NR3C1: variants seen among roughly 807,000 people sequenced by gnomAD.
The protein encoded by NR3C1 is nuclear receptor subfamily 3 group C member 1.
NR3C1 carries 14 observed loss-of-function variants against 74.0 expected under a neutral mutation model. The ratio of observed to expected loss-of-function variants is 0.19; its 90% CI spans 0.12 to 0.30. The LOEUF (loss-of-function observed/expected upper bound fraction) is 0.30. NR3C1 is among the 10% of genes least tolerant of loss of function. NR3C1 has a pLI of 1.00. For missense variants in NR3C1, 695 were observed against 909.8 expected, an observed-to-expected ratio of 0.76 and a Z score of 3.04; for synonymous variants, 308 against 332.5, an observed-to-expected ratio of 0.93 and a Z score of 0.80.
intron 2 of NR3C1, among the ~76,000 whole-genome samples, chr5:143,328,844 G>T (rs1181536094): frequency 6.6e-6 from 1 of 152,124 alleles, no homozygotes; most frequent in Non-Finnish European, 1.5e-5. Flanking sequence ...TTTCAGCCTG[G>T]ACTTCATTGT....
intron 2 of NR3C1, among the ~76,000 whole-genome samples, chr5:143,381,243 A>C (rs2151887639): frequency 6.6e-6 from 1 of 152,230 alleles, no homozygotes; most frequent in Non-Finnish European, 1.5e-5. Flanking sequence ...AAGAAGTGAA[A>C]GAGCTCTACA....
At chr5:143,409,620 T>A (rs1841229469) in intron 1 of NR3C1, among the ~76,000 whole-genome samples, 1 of 152,222 alleles carries the variant, frequency 6.6e-6, no homozygotes, top group African/African-American at 2.4e-5. Flanking sequence ...TATTCCTATT[T>A]AACTTTATAA....
chr5:143,412,265 G>C (rs1317271411), intron 1 of NR3C1, among the ~76,000 whole-genome samples: 1 of 143,430 alleles, frequency 7.0e-6, no homozygotes, highest in Non-Finnish European at 1.5e-5. Context: ...TCAAAGTGCA[G>C]GGGGGGAGGG....
chr5:143,362,505 C>T (rs1393486392), intron 2 of NR3C1, among the ~76,000 whole-genome samples: 7 of 151,758 alleles, frequency 4.6e-5, no homozygotes, highest in South Asian at 2.1e-4. Flanking sequence ...GGACTACAGG[C>T]GCCCGCCACC....
At chr5:143,344,679 C>T (rs1013721034) in intron 2 of NR3C1, among the ~76,000 whole-genome samples, 3 of 152,210 alleles carry the variant, frequency 2.0e-5, no homozygotes, top group Non-Finnish European at 4.4e-5. Context: ...TCCAGACCAG[C>T]TTGGCCAACA....
intron 6 of NR3C1, 79 bp from the exon 7 acceptor site, chr5:143,295,669 C>A: frequency 1.7e-6 from 2 of 1,163,008 alleles, no homozygotes; most frequent in Non-Finnish European, 1.3e-6. Flanking sequence ...TTTTGTTTTG[C>A]AAAACTATGA....
At chr5:143,390,754 T>C (rs1242483781) in intron 2 of NR3C1, among the ~76,000 whole-genome samples, 1 of 152,210 alleles carries the variant, frequency 6.6e-6, no homozygotes, top group African/African-American at 2.4e-5. Context: ...TGTAGAAATA[T>C]CTATGTGGGC....
At chr5:143,405,230 T>C (rs1487399313), upstream of NR3C1, 1 of 985,614 alleles carries the variant, frequency 1.0e-6, no homozygotes, top group Non-Finnish European at 1.2e-6. Flanking sequence ...AGGTAACTTT[T>C]GCGCCCCCAC....
intron 2 of NR3C1, among the ~76,000 whole-genome samples, chr5:143,315,574 T>C (rs951422819): frequency 1.1e-4 from 16 of 152,130 alleles, no homozygotes; most frequent in African/African-American, 2.9e-4. Context: ...TGGGTGTTCG[T>C]TGTCTCTGTT....
chr5:143,296,625 C>T (rs1025165648), intron 6 of NR3C1, among the ~76,000 whole-genome samples: 2 of 148,258 alleles, frequency 1.3e-5, no homozygotes, highest in African/African-American at 2.5e-5. Context: ...AAAACAACAA[C>T]AATTTTTTTT....
chr5:143,405,314 G>A (rs769505129), upstream of NR3C1: 250 of 985,466 alleles, frequency 2.5e-4, no homozygotes, highest in Non-Finnish European at 2.8e-4. Context: ...TCGGGCGCTC[G>A]GCCACAGCCA....
At chr5:143,313,379 T>C (rs762301730) in intron 3 of NR3C1, among the ~76,000 whole-genome samples, 13 of 152,222 alleles carry the variant, frequency 8.5e-5, no homozygotes, top group Non-Finnish European at 1.9e-4. Flanking sequence ...AAAATACCTT[T>C]CCTGACCTCC....
intron 1 of NR3C1, among the ~76,000 whole-genome samples, chr5:143,414,205 G>A (rs774556404): frequency 2.0e-5 from 3 of 152,146 alleles, no homozygotes; most frequent in Non-Finnish European, 4.4e-5. Context: ...GGGTGATGAA[G>A]TGATGTTTAC....
At chr5:143,285,416 CAAT>C (rs1487938377) in intron 7 of NR3C1, among the ~76,000 whole-genome samples, 2 of 152,092 alleles carry the variant, frequency 1.3e-5, no homozygotes, top group Non-Finnish European at 2.9e-5. Context: ...GTCTCAGAAT[CAAT>C]AAGAATAAAC....
chr5:143,278,496 T>C lies in NR3C1; in HGVS notation c.*3393A>G, dbSNP rs1409241308. 1 of 152,028 alleles carries C rather than the reference T, an allele frequency of 6.6e-6. No homozygotes were observed. Among genetic ancestry groups the C allele is most frequent in the Non-Finnish European group, 1.5e-5 (1 of 67,992 alleles). The allele number at this position is 152,028 out of a possible 1,614,324, so 9.4% of individuals were successfully genotyped here. On this transcript the variant is annotated 3_prime_UTR_variant, in exon 9 of 9. Coordinates refer to ENST00000394464, the MANE Select transcript of NR3C1 (RefSeq NM_000176.3). The stretch of plus-strand genomic sequence containing the variant: ...CTGGGTGGACCAGGTTGCTTGAAAA[T>C]AGTCTGGGAAATTACGAAACTCCAC...
intron 2 of NR3C1, among the ~76,000 whole-genome samples, chr5:143,392,475 C>T (rs985858555): frequency 6.6e-6 from 1 of 151,796 alleles, no homozygotes; most frequent in Admixed American, 6.6e-5. Flanking sequence ...ACTAACATAC[C>T]CAATATTAAA....
chr5:143,410,329 T>G (rs1281343380), intron 1 of NR3C1, among the ~76,000 whole-genome samples: 4 of 152,196 alleles, frequency 2.6e-5, no homozygotes, highest in Non-Finnish European at 4.4e-5. Flanking sequence ...CACAGGGTTT[T>G]GTTTTGTTTT....
At chr5:143,302,378 A>G (rs1445353956) in intron 4 of NR3C1, among the ~76,000 whole-genome samples, 3 of 152,118 alleles carry the variant, frequency 2.0e-5, no homozygotes, top group Admixed American at 1.3e-4. Flanking sequence ...CCAATACATA[A>G]AGAAACTCTT....
intron 7 of NR3C1, among the ~76,000 whole-genome samples, chr5:143,289,460 A>T (rs139360539): frequency 4.6e-5 from 7 of 152,228 alleles, no homozygotes; most frequent in Non-Finnish European, 8.8e-5. Flanking sequence ...GAAACTACAG[A>T]ATTTCTATAA....
Sources: gnomAD v4.1 joint callset for allele counts (sites outside exome capture counted in the v4.1 genomes callset) on GRCh38, gnomAD v4.1.1 for gene constraint, MANE v1.5 for transcripts, NCBI Gene and HGNC (gene_info 2026-07-23, HGNC 2026-07-21) for gene names.